Variants in INTS1 observed in about 807,000 individuals in gnomAD.
INTS1 encodes integrator complex subunit 1.
In INTS1, 137 loss-of-function variants were observed where a neutral mutation model predicts 241.6. That is an observed-to-expected ratio of 0.57 (90% CI 0.49 to 0.65). The LOEUF (loss-of-function observed/expected upper bound fraction) is 0.65, where lower values mean the gene tolerates loss of function less well. Ranked by LOEUF, INTS1 falls within the 30% of genes least tolerant of loss-of-function variation. The probability of loss-of-function intolerance (pLI) is 0.00; values close to 1 mark genes in which losing one functional copy is unlikely to be tolerated. For missense variants in INTS1, 3,073 were observed against 3,032.2 expected (o/e 1.01, Z -0.32); for synonymous variants, 1,692 against 1,337.8 (o/e 1.26, Z -5.78).
rs940084428 is a variant in INTS1, at chr7:1,487,895, C to T, written c.2381G>A (p.Arg794His). ...CTCCCGCTGGGCGGTCTGCAGCTCA[C>T]GGTTCAGCATCTCCGTCCGGGTCTC... ...DEETRTEMLN[R>H]ELQTAQREKQ... The change falls in exon 19 of 48, where the codon CGT becomes CAT. Residue 794 changes from arginine to histidine, a missense_variant. Arg to His is a conservative substitution (Grantham distance 29). Coordinates refer to ENST00000404767, the MANE Select transcript of INTS1 (RefSeq NM_001080453.3). The T allele has an allele frequency of 2.5e-6, 4 of 1,613,426 alleles. No individual in the cohort carries two copies. The highest frequency in any genetic ancestry group is 1.3e-5 in the African/African-American group (1 of 74,930).
chr7:1,489,309 C>A (rs78793025), intron 18 of INTS1, 35 bp downstream of exon 18: 1 of 191,054 alleles, frequency 5.2e-6, no homozygotes, highest in Admixed American at 1.4e-4. Flanking sequence ...CCCTGCTCCC[C>A]ATCCCGGGCC....
chr7:1,486,382 G>C (rs1198740166), intron 22 of INTS1, among the ~76,000 whole-genome samples: 2 of 151,664 alleles, frequency 1.3e-5, no homozygotes, highest in African/African-American at 2.4e-5. Context: ...TCCTGCCTCA[G>C]CCTCCAGAGT....
Position 1,479,450 on chromosome 7 carries a change from G to A in INTS1, c.4309C>T (p.Arg1437Cys), listed in dbSNP as rs755059532. ...RSHFLACPLL[R>C]QLCQYQRCVP... ...AGTACCTGGTACTGGCAGAGCTGGCGCAGCAGCGGGCAGGCCAGGAAGTGG... is the reference window on the plus strand; with the variant it reads ...AGTACCTGGTACTGGCAGAGCTGGCACAGCAGCGGGCAGGCCAGGAAGTGG... The change falls in exon 31 of 48, where the codon CGC becomes TGC. Residue 1437 changes from arginine to cysteine, a missense_variant. By Grantham distance (180) the Arg-to-Cys change is radical (BLOSUM62 -3). Coordinates refer to ENST00000404767, the MANE Select transcript of INTS1 (RefSeq NM_001080453.3). The A allele has an allele frequency of 4.4e-6, 7 of 1,577,606 alleles. No homozygotes were observed. The highest frequency in any genetic ancestry group is 1.3e-5 in the African/African-American group (1 of 74,174).
chr7:1,503,984 C>T lies in INTS1; in HGVS notation c.-24G>A. The T allele has an allele frequency of 2.6e-6, 4 of 1,530,682 alleles. No individual in the cohort carries two copies. The highest frequency in any genetic ancestry group is 1.4e-5 in the African/African-American group (1 of 71,800). The allele number at this position is 1,530,682 out of a possible 1,614,324, so 94.8% of individuals were successfully genotyped here. On this transcript the variant is annotated 5_prime_UTR_variant, in exon 2 of 48. Transcript: ENST00000404767. ...ATCCTGCCCCGTCCCTCGCGGCTCCCGGCGGCTGCGGCGTCACCTGCGGAG... is the reference window on the plus strand; with the variant it reads ...ATCCTGCCCCGTCCCTCGCGGCTCCTGGCGGCTGCGGCGTCACCTGCGGAG...
intron 13 of INTS1, 130 bp from the exon 14 acceptor site, chr7:1,495,023 C>G: frequency 9.7e-7 from 1 of 1,035,702 alleles, no homozygotes; most frequent in Non-Finnish European, 1.4e-6. Flanking sequence ...TGCCCAAGCT[C>G]AGCACCTCCT....
rs1223783842 is a variant in INTS1, at chr7:1,485,110, G to A, written c.3249C>T (p.Ser1083=). The change falls in exon 24 of 48, where the codon AGC becomes AGT. Residue 1083 remains serine, a synonymous_variant. Transcript: ENST00000404767. Reference sequence around the variant, plus strand: ...CCTGCTGCCTCACCAGGGCCAGGTCGCTGTGCTGGGCCTGCTCCTCCACAG... The same window carrying A: ...CCTGCTGCCTCACCAGGGCCAGGTCACTGTGCTGGGCCTGCTCCTCCACAG... ...HTPVEEQAQH[S]DLALDVARLV... 1 of 1,598,976 alleles carries A rather than the reference G, an allele frequency of 6.3e-7. No homozygotes were observed. The highest frequency in any genetic ancestry group is 1.1e-5 in the South Asian group (1 of 90,882).
chr7:1,471,137 G>A lies in INTS1; in HGVS notation c.6343C>T (p.Pro2115Ser), dbSNP rs766337276. ...SLALRSMQNS[P>S]SIAAAFLPTF... ...AGAGGCCGGCGGTGGCCTCACCTGGGGCTGTTCTGCATGGAGCGCAGGGCC... is the reference window on the plus strand; with the variant it reads ...AGAGGCCGGCGGTGGCCTCACCTGGAGCTGTTCTGCATGGAGCGCAGGGCC... The change falls in exon 46 of 48, where the codon CCC becomes TCC. Residue 2115 changes from proline (P) to serine (S), a missense_variant. Physicochemically the swap from Pro to Ser is moderately conservative, Grantham distance 74 (BLOSUM62 -1). Coordinates refer to ENST00000404767, the MANE Select transcript of INTS1 (RefSeq NM_001080453.3). The A allele has an allele frequency of 1.3e-6, 2 of 1,569,052 alleles. No homozygotes were observed. Among genetic ancestry groups the A allele is most frequent in the Non-Finnish European group, 1.7e-6 (2 of 1,158,232 alleles).
At chr7:1,496,104 C>T in intron 12 of INTS1, 52 bp downstream of exon 12, 3 of 1,453,128 alleles carry the variant, frequency 2.1e-6, no homozygotes, top group Non-Finnish European at 2.9e-6. Context: ...CAGCCACCAG[C>T]CTGGACCCGA....
In INTS1 at chr7:1,477,607, G is replaced by A. The variant is rs369706308; in HGVS notation, c.4881C>T (p.Pro1627=). The A allele has an allele frequency of 1.3e-3, 2,096 of 1,574,294 alleles. 37 individuals carry two copies. In the South Asian group the frequency reaches 0.02, roughly 15 times the overall value. ...LLVDWLEMLD[P]EVVSSCPDLQ... The stretch of plus-strand genomic sequence containing the variant: ...GGTCGGGGCAGCTGCTGACCACCTC[G>A]GGGTCCAGCATTTCCAGCCAGTCCA... The change falls in exon 35 of 48, where the codon CCC becomes CCT. Residue 1627 remains proline (P), a synonymous_variant. Coordinates refer to ENST00000404767, the MANE Select transcript of INTS1 (RefSeq NM_001080453.3).
intron 13 of INTS1, 82 bp from the exon 14 acceptor site, chr7:1,494,975 T>C (rs1782774770): frequency 6.7e-7 from 1 of 1,491,842 alleles, no homozygotes; most frequent in Non-Finnish European, 9.1e-7. Flanking sequence ...GGGACCCCGC[T>C]CCCACGGGCC....
At position 1,483,864 on chromosome 7, in the gene INTS1, AGAGGTG is replaced by A. The variant is rs780852121; in HGVS notation, c.3430-17_3430-12del. 19 of 1,605,354 alleles carry A rather than the reference AGAGGTG, an allele frequency of 1.2e-5. No homozygotes were observed. Among genetic ancestry groups the A allele is most frequent in the Non-Finnish European group, 1.5e-5 (18 of 1,173,512 alleles). ...GTCCTGAGACTCCGACTGTGGGAAA[AGAGGTG>A]GAGTCAGGCCGTAAGGTTCAGGGAC... On this transcript the variant is annotated splice_polypyrimidine_tract_variant and intron_variant, in intron 25 of 47. Transcript: ENST00000404767.
Position 1,473,502 on chromosome 7 carries a change from C to T in INTS1, c.5957+64G>A, listed in dbSNP as rs753676237. On this transcript the variant is annotated intron_variant, in intron 42 of 47. Coordinates refer to ENST00000404767, the MANE Select transcript of INTS1 (RefSeq NM_001080453.3). ...CACGACACGGCCTTCCCAGGAACACCCTCCAGACCCCGCTGGACCCTCGCC... is the reference window on the plus strand; with the variant it reads ...CACGACACGGCCTTCCCAGGAACACTCTCCAGACCCCGCTGGACCCTCGCC... 5.9e-6 allele frequency: 9 copies of T among 1,537,394 alleles called. No homozygotes were observed. In the East Asian group the frequency reaches 7.3e-5, roughly 13 times the overall value.
rs375714718 is a variant in INTS1, at chr7:1,493,000, G to C, written c.2165+10C>G. ...CCCGGGCGGGAGTGGGGAGCGGGGC[G>C]TGGGCTTACCCCGGTGGGAGCTGGA... On this transcript the variant is annotated intron_variant, in intron 16 of 47. Coordinates refer to ENST00000404767, the MANE Select transcript of INTS1 (RefSeq NM_001080453.3). The C allele has an allele frequency of 6.2e-7, 1 of 1,607,872 alleles. No individual in the cohort carries two copies. Among genetic ancestry groups the C allele is most frequent in the African/African-American group, 1.3e-5 (1 of 74,644 alleles).
At position 1,478,373 on chromosome 7, in the gene INTS1, G is replaced by C. The variant is rs772918318; in HGVS notation, c.4623C>G (p.Ile1541Met). ...GEQCSVEPDL[I>M]SKVLQGLIEV... Reference sequence around the variant, plus strand: ...ATGGTGCCAGGAAGGTACCTTTGCTGATCAGGTCCGGCTCCACGCTGCACT... The same window carrying C: ...ATGGTGCCAGGAAGGTACCTTTGCTCATCAGGTCCGGCTCCACGCTGCACT... The change falls in exon 33 of 48, where the codon ATC becomes ATG. Residue 1541 changes from isoleucine to methionine, a missense_variant. Ile to Met is a conservative substitution (Grantham distance 10). Transcript: ENST00000404767. 1 of 1,612,306 alleles carries C rather than the reference G, an allele frequency of 6.2e-7. No individual in the cohort carries two copies. Among genetic ancestry groups the C allele is most frequent in the Non-Finnish European group, 8.5e-7 (1 of 1,179,582 alleles).
intron 10 of INTS1, among the ~76,000 whole-genome samples, chr7:1,498,133 A>G (rs1015504596): frequency 4.6e-5 from 7 of 152,258 alleles, no homozygotes; most frequent in African/African-American, 1.7e-4. Flanking sequence ...TCTGGGTCTT[A>G]GCTCAGAAAC....
At position 1,470,305 on chromosome 7, in the gene INTS1, A is replaced by G. The variant is rs1781394678; in HGVS notation, c.*272T>C. ...AGTTCAGGTCGTTTCATTCAAAACC[A>G]GCCCAGGCCATGCCCGGGGGGATCC... On this transcript the variant is annotated 3_prime_UTR_variant, in exon 48 of 48. Coordinates refer to ENST00000404767, the MANE Select transcript of INTS1 (RefSeq NM_001080453.3). 1 of 436,086 alleles carries G rather than the reference A, an allele frequency of 2.3e-6. No homozygotes were observed. The highest frequency in any genetic ancestry group is 4.1e-6 in the Non-Finnish European group (1 of 246,060). The allele number at this position is 436,086 out of a possible 1,614,324, so 27.0% of individuals were successfully genotyped here.
Position 1,480,396 on chromosome 7 carries a change from A to C in INTS1, c.3995T>G (p.Ile1332Arg). The change falls in exon 30 of 48, where the codon ATA (isoleucine) becomes AGA (arginine). Residue 1332 changes from isoleucine to arginine, a missense_variant. By Grantham distance (97) the Ile-to-Arg change is moderately conservative. Transcript: ENST00000404767. ...CCCCACCCGAATCCGGCCCTGGCCT[A>C]TGGGCTGCTCTGGGCTGCTCTTTGG... ...PKPKSSPEQP[I>R]GQGRIRVGTQ... The C allele has an allele frequency of 6.2e-7, 1 of 1,613,230 alleles. No homozygotes were observed. Among genetic ancestry groups the C allele is most frequent in the Non-Finnish European group, 8.5e-7 (1 of 1,179,702 alleles).
rs1263710462 is a variant in INTS1, at chr7:1,489,641, T to G, written c.2207A>C (p.Lys736Thr). ...PNLAISTLYW[K>T]AWPLLLVVAA... Reference sequence around the variant, plus strand: ...GACGACCAGCAGGAGGGGCCAGGCCTTCCAGTAGAGGGTAGAGATGGCGAG... The same window carrying G: ...GACGACCAGCAGGAGGGGCCAGGCCGTCCAGTAGAGGGTAGAGATGGCGAG... Residue 736 changes from lysine to threonine, a missense_variant, in exon 17 of 48, where the codon AAG (lysine) becomes ACG (threonine). Lys to Thr is a moderately conservative substitution (Grantham distance 78, BLOSUM62 -1). Coordinates refer to ENST00000404767, the MANE Select transcript of INTS1 (RefSeq NM_001080453.3). 1 of 1,589,420 alleles carries G rather than the reference T, an allele frequency of 6.3e-7. No individual in the cohort carries two copies. Among genetic ancestry groups the G allele is most frequent in the East Asian group, 2.3e-5 (1 of 44,050 alleles).
In INTS1 at chr7:1,479,704, T is replaced by C. The variant is rs1301623956; in HGVS notation, c.4075-20A>G. 3.4e-6 allele frequency: 5 copies of C among 1,453,260 alleles called. No homozygotes were observed. Among genetic ancestry groups the C allele is most frequent in the East Asian group, 2.5e-5 (1 of 39,306 alleles). The allele number at this position is 1,453,260 out of a possible 1,614,324, so 90.0% of individuals were successfully genotyped here. A position where few individuals can be genotyped will look rare whatever the true frequency, so the allele number is the denominator to read the frequency against. ...GAAAATCTGGAACGGGGAAGGCCAG[T>C]GTCAGGAGGAAGCGGAGGAGAAGGA... On this transcript the variant is annotated intron_variant, in intron 30 of 47. Coordinates refer to ENST00000404767, the MANE Select transcript of INTS1 (RefSeq NM_001080453.3).
Sources: allele counts gnomAD v4.1 joint callset (sites outside exome capture counted in the v4.1 genomes callset), GRCh38; gene constraint gnomAD v4.1.1; transcripts MANE v1.5; gene names NCBI Gene and HGNC (gene_info 2026-07-23, HGNC 2026-07-21).